FAT3: variants seen among roughly 807,000 people sequenced by gnomAD.
The protein encoded by FAT3 is FAT atypical cadherin 3.
Under a neutral mutation model 310.2 loss-of-function variants are expected in FAT3, and 95 were observed. The observed-to-expected ratio is 0.31, with a 90% CI of 0.26 to 0.36. FAT3 has a LOEUF of 0.36. Ranked by LOEUF, FAT3 falls within the 10% of genes least tolerant of loss-of-function variation. The probability of loss-of-function intolerance (pLI) is 1.00; values close to 1 mark genes in which losing one functional copy is unlikely to be tolerated. For synonymous variants in FAT3, 2,314 were observed against 2,192.9 expected, an observed-to-expected ratio of 1.06 and a Z score of -1.54; for missense variants, 5,408 against 5,715.6, an observed-to-expected ratio of 0.95 and a Z score of 1.74.
At chr11:92,561,506 G>A (rs1955225866) in intron 3 of FAT3, among the ~76,000 whole-genome samples, 1 of 151,984 alleles carries the variant, frequency 6.6e-6, no homozygotes, top group African/African-American at 2.4e-5. Flanking sequence ...AAAAAATCTT[G>A]TCTTTCGTAC....
At chr11:92,430,371 C>T (rs905550535) in intron 2 of FAT3, among the ~76,000 whole-genome samples, 3 of 152,162 alleles carry the variant, frequency 2.0e-5, no homozygotes, top group Admixed American at 6.5e-5. Context: ...GTTTTGTTCC[C>T]TTGCTGGCGA....
intron 1 of FAT3, among the ~76,000 whole-genome samples, chr11:92,349,286 C>T (rs1040215460): frequency 1.3e-5 from 2 of 152,160 alleles, no homozygotes; most frequent in South Asian, 2.1e-4. Flanking sequence ...ACGAGAGACT[C>T]GCTTACTTTA....
At chr11:92,441,627 C>G (rs1951064945) in intron 2 of FAT3, among the ~76,000 whole-genome samples, 2 of 151,956 alleles carry the variant, frequency 1.3e-5, no homozygotes, top group South Asian at 4.2e-4. Context: ...CTGTCTGTCC[C>G]ACTGATTTAA....
chr11:92,233,750 A>G (rs1282287378), intron 1 of FAT3, among the ~76,000 whole-genome samples: 4 of 152,190 alleles, frequency 2.6e-5, no homozygotes, highest in Non-Finnish European at 5.9e-5. Context: ...GTAAGACAAA[A>G]CATATTATAT....
chr11:92,780,251 TC>T (rs1285044643), intron 7 of FAT3, among the ~76,000 whole-genome samples: 2 of 151,622 alleles, frequency 1.3e-5, no homozygotes, highest in African/African-American at 4.9e-5. Context: ...AGCCTGGACT[TC>T]CTGGGCTCAA....
chr11:92,288,509 G>A (rs867269456), intron 1 of FAT3, among the ~76,000 whole-genome samples: 22 of 152,184 alleles, frequency 1.4e-4, no homozygotes, highest in African/African-American at 4.1e-4. Flanking sequence ...ATCTCCTGTC[G>A]TTTAACTCTA....
intron 2 of FAT3, among the ~76,000 whole-genome samples, chr11:92,449,352 T>A (rs375681076): frequency 2.0e-5 from 3 of 152,212 alleles, no homozygotes; most frequent in South Asian, 2.1e-4. Flanking sequence ...AGTGGAAACT[T>A]CCTCACTTGG....
intron 4 of FAT3, among the ~76,000 whole-genome samples, chr11:92,720,744 T>A (rs766289241): frequency 1.3e-5 from 2 of 152,222 alleles, no homozygotes; most frequent in Non-Finnish European, 2.9e-5. Context: ...TAATAGCAAT[T>A]TGAAGTGTAG....
At chr11:92,723,015 T>A (rs536095306) in intron 4 of FAT3, among the ~76,000 whole-genome samples, 1 of 152,320 alleles carries the variant, frequency 6.6e-6, no homozygotes, top group African/African-American at 2.4e-5. Flanking sequence ...CCCCATTACC[T>A]TGGGGATTAA....
At chr11:92,751,938 C>T (rs2136055790) in intron 4 of FAT3, among the ~76,000 whole-genome samples, 1 of 152,136 alleles carries the variant, frequency 6.6e-6, no homozygotes, top group East Asian at 1.9e-4. Context: ...AATGGCAATG[C>T]CTACAGGATT....
At chr11:92,765,178 A>C in intron 6 of FAT3, 89 bp downstream of exon 6, 1 of 1,131,920 alleles carries the variant, frequency 8.8e-7, no homozygotes, top group Non-Finnish European at 1.2e-6. Context: ...GAAAGCAAAA[A>C]ACTAACAATT....
intron 19 of FAT3, among the ~76,000 whole-genome samples, chr11:92,856,391 T>C (rs986521572): frequency 1.3e-5 from 2 of 152,240 alleles, no homozygotes; most frequent in African/African-American, 4.8e-5. Flanking sequence ...AAAAGCAGCC[T>C]AATTACATGT....
chr11:92,401,083 GAACT>G (rs763588945), intron 2 of FAT3, among the ~76,000 whole-genome samples: 68 of 152,270 alleles, frequency 4.5e-4, no homozygotes, highest in Non-Finnish European at 1.5e-4. Flanking sequence ...AGAGAAAAAT[GAACT>G]AACTAGAAAT....
intron 23 of FAT3, 140 bp from the exon 24 acceptor site, chr11:92,882,598 C>CCA: frequency 1.8e-6 from 1 of 557,910 alleles, no homozygotes; most frequent in Non-Finnish European, 2.8e-6. Flanking sequence ...CCCCCCCCAC[C>CCA]AACCATCTTT....
In FAT3 at chr11:92,800,361, G is replaced by A; in HGVS notation, c.7348G>A (p.Val2450Ile). ...CTTTCTGATGGACAGCAAGAGTGGA[G>A]TTATCACATTGTCCAACCATCGGAA... ...TSFLMDSKSG[V>I]ITLSNHRKQR... Residue 2450 changes from valine (V) to isoleucine (I), a missense_variant, in exon 10 of 28, where the codon GTT (valine) becomes ATT (isoleucine). This residue lies in a region of FAT3 where 4,588 missense variants were observed against 4,809.8 expected (regional missense o/e 0.95). Transcript: ENST00000525166. The A allele has an allele frequency of 6.2e-7, 1 of 1,613,992 alleles. No individual in the cohort carries two copies. Among genetic ancestry groups the A allele is most frequent in the South Asian group, 1.1e-5 (1 of 91,088 alleles).
intron 4 of FAT3, among the ~76,000 whole-genome samples, chr11:92,711,820 G>A (rs1944531748): frequency 6.6e-6 from 1 of 152,072 alleles, no homozygotes; most frequent in Admixed American, 6.5e-5. Flanking sequence ...ACAAATATCA[G>A]CTACTCTCCT....
chr11:92,432,359 C>G (rs572587661), intron 2 of FAT3, among the ~76,000 whole-genome samples: 1 of 152,178 alleles, frequency 6.6e-6, no homozygotes, highest in Non-Finnish European at 1.5e-5. Context: ...CCTGAGACTG[C>G]TGAAGTTGCC....
chr11:92,789,879 C>T (rs910708083), intron 7 of FAT3, 64 bp from the exon 8 acceptor site: 2 of 1,543,754 alleles, frequency 1.3e-6, no homozygotes, highest in Non-Finnish European at 1.8e-6. Context: ...AGAGGGAGGG[C>T]ATACTTTTAT....
At chr11:92,437,111 G>A (rs555474255) in intron 2 of FAT3, among the ~76,000 whole-genome samples, 1 of 152,234 alleles carries the variant, frequency 6.6e-6, no homozygotes, top group African/African-American at 2.4e-5. Flanking sequence ...GACAGAAATA[G>A]GATGAAATCT....
Sources: gnomAD v4.1 joint callset for allele counts (sites outside exome capture counted in the v4.1 genomes callset) on GRCh38, gnomAD v4.1.1 for gene constraint, gnomAD v4.1.1 regional missense constraint, MANE v1.5 for transcripts, NCBI Gene and HGNC (gene_info 2026-07-23, HGNC 2026-07-21) for gene names.